NCOA1: variants seen among roughly 807,000 people sequenced by gnomAD.
NCOA1 encodes the protein nuclear receptor coactivator 1.
A neutral mutation model predicts 150.9 loss-of-function variants in NCOA1; 35 were observed. That is an observed-to-expected ratio of 0.23 (90% confidence interval 0.18 to 0.31). The LOEUF is 0.31. Among genes scored for constraint, NCOA1 ranks in the 10% least tolerant of loss-of-function variants. The pLI, the probability that NCOA1 is intolerant of heterozygous loss-of-function variation, is 1.00. For missense variants in NCOA1, 1,491 were observed against 1,749.3 expected, an observed-to-expected ratio of 0.85 and a Z score of 2.63; for synonymous variants, 590 against 630.0, an observed-to-expected ratio of 0.94 and a Z score of 0.95.
chr2:24,689,671 G>A (rs751897391), intron 8 of NCOA1, among the ~76,000 whole-genome samples: 3 of 152,308 alleles, frequency 2.0e-5, no homozygotes, highest in East Asian at 1.9e-4. Context: ...GATTACAGGC[G>A]TGAGCCGCCA....
At chr2:24,543,292 A>G (rs1441394589) in intron 1 of NCOA1, among the ~76,000 whole-genome samples, 1 of 152,210 alleles carries the variant, frequency 6.6e-6, no homozygotes, top group Non-Finnish European at 1.5e-5. Context: ...ACCTGCTTTT[A>G]TAACAATCTA....
intron 14 of NCOA1, among the ~76,000 whole-genome samples, chr2:24,724,678 T>C (rs6545687): frequency 0.036 from 5,538 of 152,222 alleles, 129 homozygotes; most frequent in East Asian, 0.11. Flanking sequence ...TATTACTGAG[T>C]CAAATAAACT....
At chr2:24,592,992 C>T (rs113483291) in intron 3 of NCOA1, among the ~76,000 whole-genome samples, 1 of 151,886 alleles carries the variant, frequency 6.6e-6, no homozygotes. Flanking sequence ...GATAGTAATA[C>T]TGACATTTGG....
intron 19 of NCOA1, among the ~76,000 whole-genome samples, chr2:24,744,906 GC>G (rs1421985395): frequency 1.3e-5 from 2 of 152,192 alleles, no homozygotes; most frequent in African/African-American, 4.8e-5. Flanking sequence ...TGCAGAAGAA[GC>G]TTGCTGATTT....
At chr2:24,698,869 T>A (rs1214986707) in intron 11 of NCOA1, among the ~76,000 whole-genome samples, 2 of 152,224 alleles carry the variant, frequency 1.3e-5, no homozygotes, top group African/African-American at 4.8e-5. Flanking sequence ...AGGAAGTAGT[T>A]TGATTTTTTT....
rs187184261 is a variant in NCOA1, at chr2:24,651,334, T to C, written c.-18+7212T>C. The stretch of plus-strand genomic sequence containing the variant: ...CTCAGTGGACAAATAGATAAAGAAG[T>C]TGTAATATATATATGCAATGGAATA... On this transcript the variant is annotated intron_variant, in intron 4 of 22. Transcript: ENST00000348332. 3.4e-4 allele frequency among the ~76,000 whole-genome samples: 52 copies of C among 152,062 alleles called. No individual in the cohort carries two copies. In the East Asian group the frequency reaches 9.6e-3, roughly 28 times the overall value.
chr2:24,548,240 T>C lies in NCOA1; in HGVS notation c.-395-16055T>C, dbSNP rs115048223. On this transcript the variant is annotated intron_variant, in intron 1 of 22. Coordinates refer to ENST00000348332, the MANE Select transcript of NCOA1 (RefSeq NM_003743.5). ...GGGGAGGAGCAAGTCACGTCTTACA[T>C]GGATGGCAGAAGGCAAAGAAAGAGG... Among the ~76,000 whole-genome samples the C allele has an allele frequency of 4.1e-3, 618 of 152,228 alleles. 8 individuals carry two copies. The highest frequency in any genetic ancestry group is 0.014 in the African/African-American group (596 of 41,546).
rs1203007308 is a variant in NCOA1, at chr2:24,729,581, C to T, written c.2967C>T (p.Asn989=). The change falls in exon 17 of 23, where the codon AAC becomes AAT. Residue 989 remains asparagine, a synonymous_variant. Transcript: ENST00000348332. The stretch of plus-strand genomic sequence containing the variant: ...CTTTGATCATGGAAGAAAGACCCAA[C>T]CTTTATTCCCAGCCTTACTCTTCTC... ...TPPLIMEERP[N]LYSQPYSSPS... 1 of 1,614,100 alleles carries T rather than the reference C, an allele frequency of 6.2e-7. No individual in the cohort carries two copies. The highest frequency in any genetic ancestry group is 1.1e-5 in the South Asian group (1 of 91,082).
intron 14 of NCOA1, among the ~76,000 whole-genome samples, chr2:24,722,386 T>C (rs992551305): frequency 6.6e-6 from 1 of 152,248 alleles, no homozygotes; most frequent in Non-Finnish European, 1.5e-5. Context: ...AAACCTTTGC[T>C]GTGTCCTTTT....
intron 1 of NCOA1, among the ~76,000 whole-genome samples, chr2:24,502,038 G>C (rs72803265): frequency 0.032 from 4,882 of 152,254 alleles, 102 homozygotes; most frequent in Middle Eastern, 0.054. Flanking sequence ...TTTGAGTTCT[G>C]TCTGTTTATT....
chr2:24,695,653 C>T (rs1057360708), intron 10 of NCOA1, among the ~76,000 whole-genome samples: 13 of 151,962 alleles, frequency 8.6e-5, no homozygotes, highest in Non-Finnish European at 1.6e-4. Flanking sequence ...ATCCATATCT[C>T]TTAAAAAAAG....
chr2:24,613,427 A>T (rs951837862), intron 3 of NCOA1, among the ~76,000 whole-genome samples: 1 of 152,172 alleles, frequency 6.6e-6, no homozygotes, highest in African/African-American at 2.4e-5. Flanking sequence ...CAGGCCACCT[A>T]CAGTCCCCTG....
chr2:24,598,273 C>G (rs1454723158), intron 3 of NCOA1, among the ~76,000 whole-genome samples: 1 of 152,030 alleles, frequency 6.6e-6, no homozygotes, highest in Non-Finnish European at 1.5e-5. Context: ...TGGGAAGATT[C>G]AGCATTCTCG....
chr2:24,747,595 C>T (rs1299655158), intron 19 of NCOA1, among the ~76,000 whole-genome samples: 1 of 152,054 alleles, frequency 6.6e-6, no homozygotes, highest in African/African-American at 2.4e-5. Flanking sequence ...TCCCAAAGCA[C>T]TGGGGTTACA....
intron 1 of NCOA1, among the ~76,000 whole-genome samples, chr2:24,549,556 A>G (rs1348782161): frequency 6.6e-6 from 1 of 151,818 alleles, no homozygotes; most frequent in Non-Finnish European, 1.5e-5. Context: ...ATTTTTCCAT[A>G]TTTTTATGCT....
rs190035558 is a variant in NCOA1, at chr2:24,576,691, G to C, written c.-259-7785G>C. 3.9e-5 allele frequency among the ~76,000 whole-genome samples: 6 copies of C among 152,254 alleles called. 1 individual carries two copies. Among genetic ancestry groups the C allele is most frequent in the Admixed American group, 3.9e-4 (6 of 15,298 alleles). Reference sequence around the variant, plus strand: ...CCTTTTTCTGTGGATTAAGATGTGGGCCTAAGTTAAAGAAGTTAAGAAACA... The same window carrying C: ...CCTTTTTCTGTGGATTAAGATGTGGCCCTAAGTTAAAGAAGTTAAGAAACA... On this transcript the variant is annotated intron_variant, in intron 2 of 22. Coordinates refer to ENST00000348332, the MANE Select transcript of NCOA1 (RefSeq NM_003743.5).
At chr2:24,729,393 G>C in intron 16 of NCOA1, 108 bp from the exon 17 acceptor site, 1 of 1,080,292 alleles carries the variant, frequency 9.3e-7, no homozygotes, top group African/African-American at 1.6e-5. Context: ...AACTTCTGGA[G>C]AGCATGAATT....
At chr2:24,693,419 C>G (rs1316357530) in intron 10 of NCOA1, 72 bp downstream of exon 10, 1 of 1,271,704 alleles carries the variant, frequency 7.9e-7, no homozygotes, top group Admixed American at 1.7e-5. Flanking sequence ...CTAATTATAT[C>G]CAGAATGTCT....
Position 24,693,344 on chromosome 2 carries a change from A to G in NCOA1, c.805A>G (p.Thr269Ala), listed in dbSNP as rs1435419900. 3.7e-6 allele frequency: 6 copies of G among 1,612,316 alleles called. No homozygotes were observed. In the East Asian group the frequency reaches 1.1e-4, roughly 30 times the overall value. The change falls in exon 10 of 23, where the codon ACA (threonine) becomes GCA (alanine). Residue 269 changes from threonine to alanine, a missense_variant. By Grantham distance (58) the Thr-to-Ala change is moderately conservative. Transcript: ENST00000348332. ...VESFMTKQDT[T>A]GKIISIDTSS... is the part of the protein sequence containing the mutation. The stretch of plus-strand genomic sequence containing the variant: ...ATCCTTTATGACCAAGCAAGATACT[A>G]CAGGTACTAATTGTAAAGTTCAGAA...
Sources: allele counts gnomAD v4.1 joint callset (sites outside exome capture counted in the v4.1 genomes callset), GRCh38; gene constraint gnomAD v4.1.1; transcripts MANE v1.5; gene names NCBI Gene and HGNC (gene_info 2026-07-23, HGNC 2026-07-21).